TMEFF2: variants seen among roughly 807,000 people sequenced by gnomAD.
The protein encoded by TMEFF2 is tomoregulin-2.
Under a neutral mutation model 53.8 loss-of-function variants are expected in TMEFF2, and 28 were observed. The ratio of observed to expected loss-of-function variants is 0.52; its 90% CI spans 0.39 to 0.71. TMEFF2 has a LOEUF of 0.71. Among genes scored for constraint, TMEFF2 ranks in the 30% least tolerant of loss-of-function variants. TMEFF2 has a pLI of 0.00. For missense variants in TMEFF2, 353 were observed against 455.2 expected, an observed-to-expected ratio of 0.78 and a Z score of 2.04; for synonymous variants, 162 against 166.3, an observed-to-expected ratio of 0.97 and a Z score of 0.20.
At chr2:191,964,398 C>CTCTTTCTTTCTTTCTT (rs58502767) in intron 7 of TMEFF2, among the ~76,000 whole-genome samples, 36 of 51,752 alleles carry the variant, frequency 7.0e-4, no homozygotes, top group African/African-American at 1.1e-3. Context: ...TTCTTTCTTT[C>CTCTTTCTTTCTTTCTT]TCTTTCTTTC....
chr2:191,950,529 A>T, intron 9 of TMEFF2, 122 bp from the exon 10 acceptor site: 1 of 1,351,466 alleles, frequency 7.4e-7, no homozygotes, highest in South Asian at 1.2e-5. Context: ...GAAAGAATTT[A>T]TCATTAGTAG....
intron 4 of TMEFF2, among the ~76,000 whole-genome samples, chr2:192,079,934 A>G (rs1439175107): frequency 2.0e-5 from 3 of 152,226 alleles, no homozygotes. Flanking sequence ...AAATAAGTTT[A>G]CCATTATTTT....
At chr2:192,061,954 G>A (rs1047047969) in intron 4 of TMEFF2, among the ~76,000 whole-genome samples, 4 of 152,074 alleles carry the variant, frequency 2.6e-5, no homozygotes, top group Non-Finnish European at 4.4e-5. Flanking sequence ...AGCAGATGCC[G>A]GCACCATGCT....
At chr2:191,989,908 C>G (rs137999108) in intron 7 of TMEFF2, among the ~76,000 whole-genome samples, 1 of 152,128 alleles carries the variant, frequency 6.6e-6, no homozygotes, top group African/African-American at 2.4e-5. Flanking sequence ...TTCTTGCATA[C>G]TGAAACACTA....
In TMEFF2 at chr2:192,104,295, T is replaced by C. The variant is rs1325466521; in HGVS notation, c.440-46520A>G. On this transcript the variant is annotated intron_variant, in intron 4 of 9. Transcript: ENST00000272771. ...CATAAACAACTGAAGAATGCTGTTA[T>C]TCAGAGAAAGGGAAAGAATATGGTG... 2.6e-5 allele frequency among the ~76,000 whole-genome samples: 4 copies of C among 152,114 alleles called. No homozygotes were observed. The East Asian group carries it at 7.7e-4, about 29-fold the overall frequency.
chr2:192,081,376 C>T (rs1255558575), intron 4 of TMEFF2, among the ~76,000 whole-genome samples: 3 of 152,084 alleles, frequency 2.0e-5, no homozygotes, highest in Admixed American at 6.6e-5. Context: ...AGCAAATTTC[C>T]GTATAAAGAG....
chr2:192,171,830 C>T (rs188509041), intron 4 of TMEFF2, among the ~76,000 whole-genome samples: 78 of 152,134 alleles, frequency 5.1e-4, no homozygotes, highest in Admixed American at 2.3e-3. Context: ...TACCATATGA[C>T]AATCTGTGTT....
At chr2:192,187,199 C>T (rs1691336426) in intron 2 of TMEFF2, among the ~76,000 whole-genome samples, 4 of 151,992 alleles carry the variant, frequency 2.6e-5, no homozygotes, top group Non-Finnish European at 2.9e-5. Flanking sequence ...TGGTGTAGGA[C>T]CTTTTGTATA....
At chr2:191,986,564 T>TC (rs986841103) in intron 7 of TMEFF2, among the ~76,000 whole-genome samples, 18 of 151,354 alleles carry the variant, frequency 1.2e-4, no homozygotes, top group Non-Finnish European at 2.4e-4. Flanking sequence ...ATCTTTTTTT[T>TC]TTTTTTTAAG....
intron 5 of TMEFF2, among the ~76,000 whole-genome samples, chr2:192,026,622 G>A (rs890019399): frequency 6.6e-6 from 1 of 152,056 alleles, no homozygotes; most frequent in African/African-American, 2.4e-5. Context: ...TTAAAACACT[G>A]TATTATCTTG....
At chr2:192,152,015 A>T (rs559127855) in intron 4 of TMEFF2, among the ~76,000 whole-genome samples, 1 of 151,806 alleles carries the variant, frequency 6.6e-6, no homozygotes, top group African/African-American at 2.4e-5. Flanking sequence ...GTATTCAGGG[A>T]GGAAGAGGGC....
At chr2:192,096,681 T>C (rs1688916971) in intron 4 of TMEFF2, among the ~76,000 whole-genome samples, 2 of 140,638 alleles carry the variant, frequency 1.4e-5, no homozygotes, top group South Asian at 2.4e-4. Context: ...TTTTTTTTTT[T>C]TTTTTTTTTT....
intron 4 of TMEFF2, among the ~76,000 whole-genome samples, chr2:192,068,383 A>G (rs1269005242): frequency 2.0e-5 from 3 of 151,952 alleles, no homozygotes; most frequent in African/African-American, 7.2e-5. Flanking sequence ...GAGGAATAAG[A>G]AACACAAAAC....
At chr2:191,955,193 G>GAT (rs1559058881) in intron 8 of TMEFF2, among the ~76,000 whole-genome samples, 10 of 144,220 alleles carry the variant, frequency 6.9e-5, no homozygotes. Flanking sequence ...GAGAGAGAGA[G>GAT]AAATCTTCTG....
At chr2:192,144,696 T>C (rs992370916) in intron 4 of TMEFF2, among the ~76,000 whole-genome samples, 2 of 152,080 alleles carry the variant, frequency 1.3e-5, no homozygotes, top group African/African-American at 4.8e-5. Flanking sequence ...TTAAATGTAA[T>C]AACAACAAGT....
chr2:192,075,976 A>AGAAGGAAG (rs1688423328), intron 4 of TMEFF2, among the ~76,000 whole-genome samples: 1 of 151,934 alleles, frequency 6.6e-6, no homozygotes, highest in Non-Finnish European at 1.5e-5. Flanking sequence ...AAAGAAGGAA[A>AGAAGGAAG]GAAGGAAGCA....
chr2:192,005,919 G>T (rs1053398478), intron 5 of TMEFF2, among the ~76,000 whole-genome samples: 2 of 152,128 alleles, frequency 1.3e-5, no homozygotes, highest in African/African-American at 2.4e-5. Context: ...GTGCAGGAAT[G>T]ACTGTGAGTT....
intron 4 of TMEFF2, among the ~76,000 whole-genome samples, chr2:192,114,728 G>C (rs1574385168): frequency 6.6e-6 from 1 of 151,718 alleles, no homozygotes; most frequent in East Asian, 1.9e-4. Context: ...TAAACAAGGA[G>C]GTAAAAGTTC....
At chr2:192,116,866 G>C (rs1689425739) in intron 4 of TMEFF2, among the ~76,000 whole-genome samples, 1 of 152,064 alleles carries the variant, frequency 6.6e-6, no homozygotes. Context: ...TGTTACTTAT[G>C]ATTGCTGATA....
Sources: allele counts gnomAD v4.1 joint callset (sites outside exome capture counted in the v4.1 genomes callset), GRCh38; gene constraint gnomAD v4.1.1; transcripts MANE v1.5; gene names NCBI Gene and HGNC (gene_info 2026-07-23, HGNC 2026-07-21).